Variants in GPHN observed in about 807,000 individuals in gnomAD.
The protein encoded by GPHN is gephyrin.
In GPHN, 17 loss-of-function variants were observed where a neutral mutation model predicts 95.5. That is an observed-to-expected ratio of 0.18 (90% CI 0.12 to 0.27). The LOEUF is 0.27. Ranked by LOEUF, GPHN falls within the 10% of genes least tolerant of loss-of-function variation. GPHN has a pLI of 1.00. For synonymous variants in GPHN, 320 were observed against 322.5 expected, an observed-to-expected ratio of 0.99 and a Z score of 0.08; for missense variants, 660 against 978.1, an observed-to-expected ratio of 0.67 and a Z score of 4.34.
At chr14:67,126,181 A>G (rs1410593884) in intron 17 of GPHN, among the ~76,000 whole-genome samples, 1 of 152,236 alleles carries the variant, frequency 6.6e-6, no homozygotes, top group Non-Finnish European at 1.5e-5. Context: ...TTTGGAACAC[A>G]GTACTGTTGG....
chr14:67,123,730 C>G (rs1005797969), intron 17 of GPHN, among the ~76,000 whole-genome samples: 5 of 152,114 alleles, frequency 3.3e-5, no homozygotes, highest in Admixed American at 3.3e-4. Context: ...CCATGGACCA[C>G]GTACAACCCA....
intron 8 of GPHN, among the ~76,000 whole-genome samples, chr14:66,934,709 T>C (rs2067011554): frequency 6.6e-6 from 1 of 152,164 alleles, no homozygotes; most frequent in African/African-American, 2.4e-5. Flanking sequence ...GGAACTAGCA[T>C]AAGAAACAAT....
chr14:67,523,052 C>T, the GPHN span, among the ~76,000 whole-genome samples: 4 of 152,140 alleles, frequency 2.6e-5, no homozygotes, highest in East Asian at 1.9e-4. Flanking sequence ...AGGCTGGGCG[C>T]GGTGGCTCAT....
the GPHN span, among the ~76,000 whole-genome samples, chr14:67,718,152 T>G: frequency 6.6e-6 from 1 of 152,158 alleles, no homozygotes; most frequent in Non-Finnish European, 1.5e-5. Flanking sequence ...GGCAGCAAGT[T>G]CCTCATGGCT....
At chr14:66,699,059 T>G (rs1377242868) in intron 2 of GPHN, among the ~76,000 whole-genome samples, 1 of 152,054 alleles carries the variant, frequency 6.6e-6, no homozygotes, top group Non-Finnish European at 1.5e-5. Flanking sequence ...ATGAAAAGAG[T>G]ACTGAGCTAT....
At chr14:67,007,012 A>C (rs2072656551) in intron 9 of GPHN, among the ~76,000 whole-genome samples, 1 of 152,216 alleles carries the variant, frequency 6.6e-6, no homozygotes, top group African/African-American at 2.4e-5. Context: ...AACTGTTTTT[A>C]ATAAACTTTA....
chr14:67,158,412 T>G (rs116927363), intron 18 of GPHN, among the ~76,000 whole-genome samples: 4,712 of 152,098 alleles, frequency 0.031, 104 homozygotes, highest in Non-Finnish European at 0.044. Context: ...CTGTTACTAC[T>G]GTGGGGAGAA....
chr14:67,612,517 A>G, the GPHN span, among the ~76,000 whole-genome samples: 1 of 152,182 alleles, frequency 6.6e-6, no homozygotes, highest in African/African-American at 2.4e-5. Context: ...GTAATTGACG[A>G]AGGGTTCTGA....
At chr14:67,208,460 C>T in the GPHN span, 3 of 1,608,826 alleles carry the variant, frequency 1.9e-6, no homozygotes, top group South Asian at 3.4e-5. Flanking sequence ...GTATGTGAGG[C>T]AGGAACATGC....
At chr14:67,348,942 A>C in the GPHN span, 1 of 1,175,580 alleles carries the variant, frequency 8.5e-7, no homozygotes. Context: ...TAGAAGGAAG[A>C]AACTAGGACA....
intron 1 of GPHN, among the ~76,000 whole-genome samples, chr14:66,553,170 T>A (rs934900111): frequency 6.6e-6 from 1 of 151,976 alleles, no homozygotes; most frequent in African/African-American, 2.4e-5. Flanking sequence ...TTTCTATTTT[T>A]ATTAGAGAAG....
intron 2 of GPHN, among the ~76,000 whole-genome samples, chr14:66,722,476 C>T (rs2070850022): frequency 6.6e-6 from 1 of 152,152 alleles, no homozygotes; most frequent in Non-Finnish European, 1.5e-5. Flanking sequence ...AGGTCTCACT[C>T]TCTGTTGTCC....
chr14:67,032,703 G>C lies in GPHN; in HGVS notation c.1006+9028G>C, dbSNP rs142538794. On this transcript the variant is annotated intron_variant, in intron 10 of 22. Coordinates refer to ENST00000478722, the MANE Select transcript of GPHN (RefSeq NM_020806.5). The stretch of plus-strand genomic sequence containing the variant: ...GGGAAATTACATACACAGACCCAGA[G>C]AAGTCACATTCCCCCGCTTTCAAAA... Among the ~76,000 whole-genome samples, 386 of 152,304 alleles carry C rather than the reference G, an allele frequency of 2.5e-3. 1 individual carries two copies. The highest frequency in any genetic ancestry group is 4.4e-3 in the Non-Finnish European group (299 of 68,024).
chr14:67,092,232 A>G (rs976781690), intron 12 of GPHN, among the ~76,000 whole-genome samples: 1 of 152,078 alleles, frequency 6.6e-6, no homozygotes, highest in Non-Finnish European at 1.5e-5. Flanking sequence ...GATGATTTTC[A>G]TTTCTTTAAA....
At chr14:67,363,362 CATT>C in the GPHN span, among the ~76,000 whole-genome samples, 1 of 152,062 alleles carries the variant, frequency 6.6e-6, no homozygotes, top group East Asian at 1.9e-4. Context: ...CTGCTACTGT[CATT>C]AATATGCTGC....
intron 1 of GPHN, among the ~76,000 whole-genome samples, chr14:66,529,751 T>C (rs1300238603): frequency 6.6e-6 from 1 of 152,176 alleles, no homozygotes; most frequent in Non-Finnish European, 1.5e-5. Context: ...TCTAGTTTGC[T>C]GGAGGTCCAC....
intron 17 of GPHN, among the ~76,000 whole-genome samples, chr14:67,125,308 A>G (rs1449782872): frequency 2.6e-5 from 4 of 152,172 alleles, no homozygotes; most frequent in Non-Finnish European, 5.9e-5. Flanking sequence ...TCTACAGCCT[A>G]TTGATATTCT....
the GPHN span, among the ~76,000 whole-genome samples, chr14:67,403,351 C>A: frequency 6.6e-6 from 1 of 152,202 alleles, no homozygotes; most frequent in South Asian, 2.1e-4. Flanking sequence ...GATACCCAGA[C>A]TCAGAGTCAT....
chr14:67,089,142 T>TTTTTTA, intron 12 of GPHN, 67 bp downstream of exon 12: 1 of 477,604 alleles, frequency 2.1e-6, no homozygotes, highest in Non-Finnish European at 3.7e-6. Flanking sequence ...TCTTTTTTTT[T>TTTTTTA]TTTTTTTTTT....
Sources: allele counts gnomAD v4.1 joint callset (sites outside exome capture counted in the v4.1 genomes callset), GRCh38; gene constraint gnomAD v4.1.1; transcripts MANE v1.5; gene names NCBI Gene and HGNC (gene_info 2026-07-23, HGNC 2026-07-21).